The following CDH13 variants were observed in gnomAD, a reference collection of about 807,000 sequenced individuals.
CDH13 encodes the protein cadherin 13, also known as cadherin-13.
Under a neutral mutation model 63.8 loss-of-function variants are expected in CDH13, and 24 were observed. That is an observed-to-expected ratio of 0.38 (90% CI 0.27 to 0.53). The LOEUF (loss-of-function observed/expected upper bound fraction) is 0.53. Among genes scored for constraint, CDH13 ranks in the 20% least tolerant of loss-of-function variants. The pLI is 0.85. For missense variants in CDH13, 1,049 were observed against 903.1 expected (o/e 1.16, Z -2.07); for synonymous variants, 503 against 355.3 (o/e 1.42, Z -4.67).
intron 5 of CDH13, among the ~76,000 whole-genome samples, chr16:83,336,821 A>C (rs1462279338): frequency 6.6e-6 from 1 of 152,178 alleles, no homozygotes; most frequent in African/African-American, 2.4e-5. Context: ...TAGATTTTGC[A>C]TGTGTTGCTT....
intron 4 of CDH13, among the ~76,000 whole-genome samples, chr16:83,191,526 CACACATATATAT>C (rs1470583313): frequency 2.5e-3 from 251 of 101,696 alleles, no homozygotes; most frequent in African/African-American, 9.3e-3. Context: ...CACACACACA[CACACATATATAT>C]ATATATATAT....
rs184950583 is a variant in CDH13 at position 82,773,670 on chromosome 16, A to G, written c.46-84692A>G. Reference sequence around the variant, plus strand: ...CATTTGTATGTATGTGTGTTCAGTTACCATTATGAAGTAACTGACCTGAAG... The same window carrying G: ...CATTTGTATGTATGTGTGTTCAGTTGCCATTATGAAGTAACTGACCTGAAG... On this transcript the variant is annotated intron_variant, in intron 1 of 13. Coordinates refer to ENST00000567109, the MANE Select transcript of CDH13 (RefSeq NM_001257.5). Among the ~76,000 whole-genome samples, 69 of 152,316 alleles carry G rather than the reference A, an allele frequency of 4.5e-4. 1 individual carries two copies. The highest frequency in any genetic ancestry group is 4.5e-3 in the Admixed American group (69 of 15,298).
intron 6 of CDH13, among the ~76,000 whole-genome samples, chr16:83,427,669 C>G (rs1488663855): frequency 6.6e-6 from 1 of 152,050 alleles, no homozygotes; most frequent in Non-Finnish European, 1.5e-5. Flanking sequence ...GATTATGGTG[C>G]CTTGTGCCTT....
chr16:83,099,312 T>C (rs889349059), intron 3 of CDH13, among the ~76,000 whole-genome samples: 1 of 152,114 alleles, frequency 6.6e-6, no homozygotes, highest in African/African-American at 2.4e-5. Context: ...GTAGGTAGTA[T>C]GATAATCTTC....
At chr16:83,180,854 T>A in intron 4 of CDH13, 1 of 1,499,782 alleles carries the variant, frequency 6.7e-7, no homozygotes. Flanking sequence ...CAAAATGTGT[T>A]TTTTTTTTCT....
At chr16:83,397,008 A>G (rs2091896725) in intron 6 of CDH13, among the ~76,000 whole-genome samples, 1 of 152,172 alleles carries the variant, frequency 6.6e-6, no homozygotes, top group Non-Finnish European at 1.5e-5. Flanking sequence ...AGAATTGGGA[A>G]GCCAAGCAGC....
intron 1 of CDH13, among the ~76,000 whole-genome samples, chr16:82,684,657 G>T (rs1234907336): frequency 2.0e-5 from 3 of 151,760 alleles, no homozygotes; most frequent in African/African-American, 7.3e-5. Context: ...GTCTCTACTG[G>T]TTCCATAGCA....
At chr16:82,869,428 T>C (rs1237865218) in intron 2 of CDH13, among the ~76,000 whole-genome samples, 1 of 151,996 alleles carries the variant, frequency 6.6e-6, no homozygotes, top group Non-Finnish European at 1.5e-5. Flanking sequence ...GTTTGATATG[T>C]AACTTTATCC....
chr16:82,790,977 C>A (rs2036269004), intron 1 of CDH13, among the ~76,000 whole-genome samples: 1 of 152,212 alleles, frequency 6.6e-6, no homozygotes. Context: ...GTGGCTCACG[C>A]CTGTAATCCC....
chr16:82,703,340 C>G (rs1239599667), intron 1 of CDH13, among the ~76,000 whole-genome samples: 2 of 152,140 alleles, frequency 1.3e-5, no homozygotes, highest in Non-Finnish European at 2.9e-5. Context: ...ACTGTGAACC[C>G]TGAGATGTTC....
chr16:82,807,042 G>A (rs1417008250), intron 1 of CDH13, among the ~76,000 whole-genome samples: 1 of 150,980 alleles, frequency 6.6e-6, no homozygotes, highest in Non-Finnish European at 1.5e-5. Context: ...CAAATGACAA[G>A]TAACTTCTAG....
intron 11 of CDH13, among the ~76,000 whole-genome samples, chr16:83,759,112 A>T (rs1457306633): frequency 6.6e-6 from 1 of 152,254 alleles, no homozygotes. Context: ...AATAAGTTGT[A>T]GAACTTACAC....
At chr16:83,587,239 G>A (rs1906254124) in intron 7 of CDH13, among the ~76,000 whole-genome samples, 2 of 152,212 alleles carry the variant, frequency 1.3e-5, no homozygotes, top group Non-Finnish European at 1.5e-5. Flanking sequence ...GCTCAGCAAA[G>A]CCAACTTTGA....
chr16:83,097,120 A>G (rs1309084871), intron 3 of CDH13, among the ~76,000 whole-genome samples: 2 of 152,204 alleles, frequency 1.3e-5, no homozygotes, highest in Non-Finnish European at 2.9e-5. Context: ...GTTTTTCTCA[A>G]CAAAATTTGA....
chr16:83,584,412 T>C (rs932711516), intron 7 of CDH13, among the ~76,000 whole-genome samples: 10 of 152,204 alleles, frequency 6.6e-5, no homozygotes, highest in Admixed American at 2.6e-4. Context: ...CTATGGTTTA[T>C]TGGGACACGA....
At chr16:82,764,164 CTGT>C (rs1156718467) in intron 1 of CDH13, among the ~76,000 whole-genome samples, 5 of 152,186 alleles carry the variant, frequency 3.3e-5, no homozygotes, top group Non-Finnish European at 7.3e-5. Flanking sequence ...ATTATTATTG[CTGT>C]TGTTGTTGTT....
At chr16:83,211,024 T>G (rs1424329790) in intron 4 of CDH13, among the ~76,000 whole-genome samples, 2 of 150,766 alleles carry the variant, frequency 1.3e-5, no homozygotes, top group Non-Finnish European at 3.0e-5. Flanking sequence ...GGCACGCACC[T>G]GTAGTCCCAG....
intron 1 of CDH13, among the ~76,000 whole-genome samples, chr16:82,841,055 A>G (rs987080959): frequency 3.9e-5 from 6 of 152,230 alleles, no homozygotes; most frequent in African/African-American, 1.4e-4. Flanking sequence ...GGCAAATGGT[A>G]CTTGCTGGGG....
At position 82,714,624 on chromosome 16, in the gene CDH13, G is replaced by C. The variant is rs142154993; in HGVS notation, c.45+87487G>C. Among the ~76,000 whole-genome samples the C allele has an allele frequency of 3.9e-3, 557 of 141,956 alleles. 2 individuals carry two copies. The highest frequency in any genetic ancestry group is 0.013 in the African/African-American group (516 of 38,292). 93.1% of individuals were successfully genotyped at this position (141,956 alleles called of 152,430 possible). A position where few individuals can be genotyped will look rare whatever the true frequency, so the allele number is the denominator to read the frequency against. ...AGCTACTCAGGAGCCTGAGGCAGGA[G>C]AATGGCTTAAACTGGGCAGGTGCTG... On this transcript the variant is annotated intron_variant, in intron 1 of 13. Transcript: ENST00000567109.
Sources: gnomAD v4.1 joint callset for allele counts (sites outside exome capture counted in the v4.1 genomes callset) on GRCh38, gnomAD v4.1.1 for gene constraint, MANE v1.5 for transcripts, NCBI Gene and HGNC (gene_info 2026-07-23, HGNC 2026-07-21) for gene names.